DNAI1: variants seen among roughly 807,000 people sequenced by gnomAD.
DNAI1 encodes the protein dynein axonemal intermediate chain 1, also known as dynein, axonemal, intermediate polypeptide 1.
In DNAI1, 67 loss-of-function variants were observed where a neutral mutation model predicts 92.0. That is an observed-to-expected ratio of 0.73 (90% CI 0.60 to 0.89). The LOEUF (loss-of-function observed/expected upper bound fraction) is 0.89, where lower values mean the gene tolerates loss of function less well. DNAI1 is among the 40% of genes least tolerant of loss of function. The pLI, the probability that DNAI1 is intolerant of heterozygous loss-of-function variation, is 0.00. For synonymous variants in DNAI1, 323 were observed against 319.6 expected (o/e 1.01, Z -0.11); for missense variants, 839 against 866.6 (o/e 0.97, Z 0.40).
chr9:34,494,235 T>A (rs898380578), intron 9 of DNAI1, among the ~76,000 whole-genome samples: 6 of 152,160 alleles, frequency 3.9e-5, no homozygotes, highest in Admixed American at 2.6e-4. Flanking sequence ...TGCTGCTTCC[T>A]ATGCCTGAGA....
At chr9:34,474,245 C>CT in intron 1 of DNAI1, among the ~76,000 whole-genome samples, 1 of 142,632 alleles carries the variant, frequency 7.0e-6, no homozygotes, top group Middle Eastern at 3.7e-3. Flanking sequence ...TTTTTCTTTT[C>CT]TTTTTTTGAG....
intron 12 of DNAI1, among the ~76,000 whole-genome samples, chr9:34,502,408 C>T (rs1339297210): frequency 6.6e-6 from 1 of 152,142 alleles, no homozygotes. Flanking sequence ...CAGGCCCTCC[C>T]AGGAGTGGGT....
At chr9:34,498,694 C>G (rs954315148) in intron 10 of DNAI1, among the ~76,000 whole-genome samples, 2 of 152,322 alleles carry the variant, frequency 1.3e-5, no homozygotes, top group African/African-American at 4.8e-5. Context: ...GAGCAGCTGC[C>G]TTCCCAGAGT....
At chr9:34,485,694 A>G (rs1396348606) in intron 4 of DNAI1, among the ~76,000 whole-genome samples, 177 bp downstream of exon 4, 2 of 152,154 alleles carry the variant, frequency 1.3e-5, no homozygotes, top group African/African-American at 2.4e-5. Flanking sequence ...AAATTTCTTT[A>G]TGAATCTCCC....
intron 1 of DNAI1, among the ~76,000 whole-genome samples, chr9:34,480,475 G>A (rs13286388): frequency 1.3e-5 from 2 of 151,504 alleles, no homozygotes; most frequent in African/African-American, 2.4e-5. Flanking sequence ...ACAGGGTTTC[G>A]CCATGTTGAC....
At chr9:34,495,124 A>G (rs540364316) in intron 9 of DNAI1, among the ~76,000 whole-genome samples, 1 of 152,352 alleles carries the variant, frequency 6.6e-6, no homozygotes, top group South Asian at 2.1e-4. Context: ...ATGCACAGAA[A>G]TCAATGCACA....
chr9:34,459,445 TC>T (rs1823898475), intron 1 of DNAI1, among the ~76,000 whole-genome samples: 1 of 149,748 alleles, frequency 6.7e-6, no homozygotes, highest in African/African-American at 2.5e-5. Context: ...TTTCTTTCTT[TC>T]TTTCTTTTTT....
chr9:34,473,972 C>A (rs1824190787), intron 1 of DNAI1, among the ~76,000 whole-genome samples: 1 of 152,196 alleles, frequency 6.6e-6, no homozygotes. Context: ...AAGCATTCCT[C>A]CTGCCTAGGT....
At chr9:34,464,727 C>A (rs562609587) in intron 1 of DNAI1, among the ~76,000 whole-genome samples, 55 of 152,306 alleles carry the variant, frequency 3.6e-4, no homozygotes, top group African/African-American at 1.1e-3. Flanking sequence ...TATCTGTATT[C>A]TCAGCCCCTA....
intron 13 of DNAI1, among the ~76,000 whole-genome samples, chr9:34,511,275 A>T (rs1178011654): frequency 6.6e-6 from 1 of 152,248 alleles, no homozygotes; most frequent in Admixed American, 6.5e-5. Flanking sequence ...ATAAGACAAC[A>T]GCTCTGTCTC....
At chr9:34,483,595 A>G (rs1198669192) in intron 2 of DNAI1, 115 bp downstream of exon 2, 4 of 1,047,248 alleles carry the variant, frequency 3.8e-6, no homozygotes, top group Non-Finnish European at 5.7e-6. Context: ...AGAATGTTAA[A>G]ATCACCCTTA....
At chr9:34,513,231 G>C (rs1825107673) in intron 16 of DNAI1, 40 bp downstream of exon 16, 1 of 1,513,544 alleles carries the variant, frequency 6.6e-7, no homozygotes, top group Non-Finnish European at 9.2e-7. Flanking sequence ...AGGCCGCTTA[G>C]ACCTGAGCAC....
intron 1 of DNAI1, among the ~76,000 whole-genome samples, chr9:34,480,790 C>CA (rs1295492970): frequency 6.6e-6 from 1 of 151,244 alleles, no homozygotes; most frequent in Non-Finnish European, 1.5e-5. Flanking sequence ...CTAAAAAATA[C>CA]AAAAAATAGG....
intron 12 of DNAI1, among the ~76,000 whole-genome samples, chr9:34,506,368 C>T (rs1452780682): frequency 1.3e-5 from 2 of 152,178 alleles, no homozygotes; most frequent in African/African-American, 2.4e-5. Flanking sequence ...CCCTTTCCTG[C>T]ACCTTGGGGA....
rs928415321 is a variant in DNAI1, at chr9:34,458,819, C to A, written c.-187C>A. ...GGCTGCTGGTCGGTTGCTGGGTAAC[C>A]GCGTCAGGGAGTTGGATTCTATCCT... On this transcript the variant is annotated 5_prime_UTR_variant, in exon 1 of 20. Coordinates refer to ENST00000242317, the MANE Select transcript of DNAI1 (RefSeq NM_012144.4). This position sits in a 1 kb window ranked among gnomAD's most constrained non-coding sequence, Gnocchi z 6.6. 36 of 655,510 alleles carry A rather than the reference C, an allele frequency of 5.5e-5. No individual in the cohort carries two copies. Among genetic ancestry groups the A allele is most frequent in the Non-Finnish European group, 8.9e-5 (32 of 358,190 alleles). The allele number at this position is 655,510 out of a possible 1,614,324, so 40.6% of individuals were successfully genotyped here. A position where few individuals can be genotyped will look rare whatever the true frequency, so the allele number is the denominator to read the frequency against.
chr9:34,460,816 G>T (rs1823938852), intron 1 of DNAI1, among the ~76,000 whole-genome samples: 1 of 151,766 alleles, frequency 6.6e-6, no homozygotes. Flanking sequence ...GCACCACCAT[G>T]CCTGGCTAAT....
chr9:34,514,572 G>C, intron 17 of DNAI1, 30 bp downstream of exon 17: 1 of 1,614,194 alleles, frequency 6.2e-7, no homozygotes, highest in South Asian at 1.1e-5. Flanking sequence ...CTCTGCCTGG[G>C]GCCCTCCCCT....
At chr9:34,489,860 A>AT (rs1824549410) in intron 5 of DNAI1, 152 bp from the exon 6 acceptor site, 2 of 1,152,054 alleles carry the variant, frequency 1.7e-6, no homozygotes, top group Admixed American at 5.3e-5. Context: ...CAAAAAAAAA[A>AT]GCCCAATAGC....
intron 8 of DNAI1, among the ~76,000 whole-genome samples, chr9:34,492,571 G>A (rs1394862703): frequency 7.2e-6 from 1 of 138,116 alleles, no homozygotes; most frequent in African/African-American, 2.7e-5. Context: ...CCAGGCTGGA[G>A]TGCAGTGGCA....
Sources: allele counts gnomAD v4.1 joint callset (sites outside exome capture counted in the v4.1 genomes callset), GRCh38; gene constraint gnomAD v4.1.1; non-coding constraint Gnocchi (gnomAD v3.1); transcripts MANE v1.5; gene names NCBI Gene and HGNC (gene_info 2026-07-23, HGNC 2026-07-21).